The following ATP11C variants were observed in gnomAD, a reference collection of about 807,000 sequenced individuals.
ATP11C encodes the protein phospholipid-transporting ATPase IG.
ATP11C carries 36 observed loss-of-function variants against 97.4 expected under a neutral mutation model. The ratio of observed to expected loss-of-function variants is 0.37; its 90% CI spans 0.28 to 0.49. The LOEUF is 0.49. Among genes scored for constraint, ATP11C ranks in the 20% least tolerant of loss-of-function variants. The pLI is 0.98. For synonymous variants in ATP11C, 275 were observed against 290.9 expected (o/e 0.95, Z 0.56); for missense variants, 730 against 824.6 (o/e 0.89, Z 1.40).
At chrX:139,831,901 CA>C in intron 1 of ATP11C, among the ~76,000 whole-genome samples, 1 of 110,895 alleles carries the variant, frequency 9.0e-6, no homozygotes, top group Middle Eastern at 4.6e-3. Context: ...AGTTCCCTTT[CA>C]CTTTCACCCT....
intron 1 of ATP11C, among the ~76,000 whole-genome samples, chrX:139,858,081 T>C (rs1235840370): frequency 8.9e-6 from 1 of 112,938 alleles, no homozygotes; most frequent in Non-Finnish European, 1.9e-5. Context: ...TCTCTCAAAC[T>C]TTCTTGCCCT....
At chrX:139,916,432 C>T (rs1304801964) in intron 1 of ATP11C, among the ~76,000 whole-genome samples, 1 of 111,204 alleles carries the variant, frequency 9.0e-6, no homozygotes, top group African/African-American at 3.3e-5. Flanking sequence ...ACAGGTCTTA[C>T]CTTCATGGAG....
chrX:139,753,525 A>G (rs887153844), intron 23 of ATP11C, among the ~76,000 whole-genome samples: 28 of 112,023 alleles, frequency 2.5e-4, no homozygotes, highest in African/African-American at 8.8e-4. Flanking sequence ...AGTTAAAAAG[A>G]GGGCCGGGCA....
chrX:139,815,746 TA>T (rs1360247294), intron 4 of ATP11C, among the ~76,000 whole-genome samples: 1 of 111,435 alleles, frequency 9.0e-6, no homozygotes, highest in East Asian at 2.8e-4. Flanking sequence ...AGAATGTCTG[TA>T]CCTTTTCAAA....
At position 139,796,452 on chromosome X, in the gene ATP11C, C is replaced by T. The variant is rs768342557; in HGVS notation, c.1027G>A (p.Asp343Asn). 7.6e-6 allele frequency: 9 copies of T among 1,184,228 alleles called. No individual in the cohort carries two copies. The highest frequency in any genetic ancestry group is 1.0e-5 in the Non-Finnish European group (9 of 875,332). ...AATAGAACCATAAATGATAGGAAGT[C>T]GGTGAACATTTTTAAAACCTAAAAT... ...ETLKVLKMFT[D>N]FLSFMVLFNF... Residue 343 changes from aspartate to asparagine, a missense_variant, in exon 12 of 30, where the codon GAC (aspartate) becomes AAC (asparagine). Asp to Asn is a conservative substitution (Grantham distance 23). Coordinates refer to ENST00000682941, the MANE Select transcript of ATP11C (RefSeq NM_001353812.2).
At chrX:139,757,744 T>G in intron 23 of ATP11C, 64 bp downstream of exon 23, 1 of 799,390 alleles carries the variant, frequency 1.3e-6, no homozygotes, top group Non-Finnish European at 1.8e-6. Context: ...AAATCTAATA[T>G]ATAAGGGTAA....
chrX:139,927,791 A>G (rs1440064053), intron 1 of ATP11C, among the ~76,000 whole-genome samples: 1 of 110,938 alleles, frequency 9.0e-6, no homozygotes, highest in East Asian at 2.8e-4. Flanking sequence ...TCGGCATTAG[A>G]TGTATTTATT....
At position 139,863,629 on chromosome X, in the gene ATP11C, A is replaced by G. The variant is rs940283625; in HGVS notation, c.28-36806T>C. Among the ~76,000 whole-genome samples the G allele has an allele frequency of 7.1e-5, 8 of 112,176 alleles. No homozygotes were observed. The Admixed American group carries it at 7.6e-4, about 11-fold the overall frequency. On this transcript the variant is annotated intron_variant, in intron 1 of 29. Coordinates refer to ENST00000682941, the MANE Select transcript of ATP11C (RefSeq NM_001353812.2). The stretch of plus-strand genomic sequence containing the variant: ...TATGCCATTACTGATGCTTGATTCA[A>G]ATTTAAACAATTGATGACACATACA...
intron 1 of ATP11C, among the ~76,000 whole-genome samples, chrX:139,856,714 A>G (rs1473482926): frequency 2.7e-5 from 3 of 112,440 alleles, no homozygotes; most frequent in African/African-American, 9.7e-5. Flanking sequence ...GGATTTGTCA[A>G]TATTTTGGTG....
intron 1 of ATP11C, among the ~76,000 whole-genome samples, chrX:139,895,132 G>A (rs1394236264): frequency 8.9e-6 from 1 of 112,743 alleles, no homozygotes; most frequent in East Asian, 2.8e-4. Flanking sequence ...GTGACAGTGA[G>A]GAAAATAATG....
At chrX:139,790,881 G>A (rs954442007) in intron 12 of ATP11C, among the ~76,000 whole-genome samples, 3 of 111,268 alleles carry the variant, frequency 2.7e-5, no homozygotes, top group African/African-American at 9.8e-5. Flanking sequence ...AAATAAATTT[G>A]CCACTAAGAT....
At chrX:139,739,715 G>A (rs752969596) in intron 27 of ATP11C, among the ~76,000 whole-genome samples, 12 of 111,561 alleles carry the variant, frequency 1.1e-4, no homozygotes, top group East Asian at 5.7e-4. Context: ...AAATGAGTTC[G>A]CTGGAAACAT....
Position 139,797,232 on chromosome X carries a change from A to G in ATP11C, c.952T>C (p.Tyr318His). 8.3e-7 allele frequency: 1 copy of G among 1,204,598 alleles called. No homozygotes were observed. The highest frequency in any genetic ancestry group is 1.1e-6 in the Non-Finnish European group (1 of 890,948). The change falls in exon 11 of 30, where the codon TAC (tyrosine) becomes CAC (histidine). Residue 318 changes from tyrosine (Y) to histidine (H), a missense_variant. Physicochemically the swap from Tyr to His is moderately conservative, Grantham distance 83. Transcript: ENST00000682941. ...TGGTTATACCAAGGTTCATCATTGT[A>G]TGGGGTACTTTGCCAAACATACTTT... ...TLKYVWQSTP[Y>H]NDEPWYNQKT...
At chrX:139,865,364 G>C (rs976483183) in intron 1 of ATP11C, among the ~76,000 whole-genome samples, 2 of 111,729 alleles carry the variant, frequency 1.8e-5, no homozygotes, top group African/African-American at 6.5e-5. Flanking sequence ...CTCAAAAAAA[G>C]AAAAACAGGA....
intron 6 of ATP11C, among the ~76,000 whole-genome samples, chrX:139,803,469 T>C (rs1261258751): frequency 9.1e-6 from 1 of 110,122 alleles, no homozygotes; most frequent in Non-Finnish European, 1.9e-5. Context: ...AAAGGCAGCA[T>C]AGAGAGGATA....
intron 1 of ATP11C, among the ~76,000 whole-genome samples, chrX:139,871,819 C>T (rs866920780): frequency 6.5e-4 from 72 of 111,395 alleles, no homozygotes; most frequent in African/African-American, 2.3e-3. Flanking sequence ...CGTGAGCAAC[C>T]TCACCCGACC....
intron 16 of ATP11C, among the ~76,000 whole-genome samples, chrX:139,784,480 T>C (rs1323339487): frequency 9.0e-6 from 1 of 111,373 alleles, no homozygotes; most frequent in Non-Finnish European, 1.9e-5. Flanking sequence ...CGTAAATTAC[T>C]GGGAAATAAA....
chrX:139,882,776 G>C (rs1486049393), intron 1 of ATP11C, among the ~76,000 whole-genome samples: 3 of 111,384 alleles, frequency 2.7e-5, no homozygotes. Context: ...CTGTGTGTCT[G>C]TTTTTCAGAG....
At chrX:139,765,130 T>C (rs1569442988) in intron 20 of ATP11C, among the ~76,000 whole-genome samples, 1 of 110,930 alleles carries the variant, frequency 9.0e-6, no homozygotes, top group Non-Finnish European at 1.9e-5. Flanking sequence ...TCATGGACCA[T>C]AAAATCATGA....
Sources: allele counts gnomAD v4.1 joint callset (sites outside exome capture counted in the v4.1 genomes callset), GRCh38; gene constraint gnomAD v4.1.1; transcripts MANE v1.5; gene names NCBI Gene and HGNC (gene_info 2026-07-23, HGNC 2026-07-21).